Variants in RAD51B observed in about 807,000 individuals in gnomAD.
RAD51B encodes DNA repair protein RAD51 homolog 2.
Under a neutral mutation model 42.2 loss-of-function variants are expected in RAD51B, and 38 were observed. The ratio of observed to expected loss-of-function variants is 0.90; its 90% CI spans 0.70 to 1.18. The LOEUF (loss-of-function observed/expected upper bound fraction) is 1.18, where lower values mean the gene tolerates loss of function less well. Among genes scored for constraint, RAD51B ranks in the 50% most tolerant of loss-of-function variants. The pLI is 0.00. For synonymous variants in RAD51B, 154 were observed against 145.2 expected, an observed-to-expected ratio of 1.06 and a Z score of -0.43; for missense variants, 373 against 400.7, an observed-to-expected ratio of 0.93 and a Z score of 0.59.
chr14:68,178,410 T>C (rs1408564314), intron 7 of RAD51B, among the ~76,000 whole-genome samples: 2 of 152,202 alleles, frequency 1.3e-5, no homozygotes, highest in Non-Finnish European at 2.9e-5. Flanking sequence ...CCCATGTCTC[T>C]ACTCTTCAGT....
intron 8 of RAD51B, among the ~76,000 whole-genome samples, chr14:68,405,305 A>G (rs779497382): frequency 1.3e-5 from 2 of 152,278 alleles, no homozygotes; most frequent in East Asian, 1.9e-4. Flanking sequence ...TTAGCCAATC[A>G]TTGTGGCATG....
intron 7 of RAD51B, among the ~76,000 whole-genome samples, chr14:68,238,702 A>T (rs1456660366): frequency 6.6e-6 from 1 of 152,194 alleles, no homozygotes; most frequent in Non-Finnish European, 1.5e-5. Flanking sequence ...TTAAAACCAG[A>T]CCATATAATG....
At chr14:68,153,327 G>A (rs893343793) in intron 7 of RAD51B, among the ~76,000 whole-genome samples, 4 of 152,150 alleles carry the variant, frequency 2.6e-5, no homozygotes, top group Non-Finnish European at 5.9e-5. Flanking sequence ...GAATTATCCA[G>A]TGGTTATCCT....
intron 7 of RAD51B, among the ~76,000 whole-genome samples, chr14:68,221,893 T>C (rs190217178): frequency 3.4e-4 from 51 of 152,208 alleles, no homozygotes; most frequent in Admixed American, 2.9e-3. Flanking sequence ...GAATAGACAA[T>C]TCTGAAAAGA....
At chr14:68,567,359 T>C (rs1270470916) in intron 10 of RAD51B, among the ~76,000 whole-genome samples, 2 of 152,050 alleles carry the variant, frequency 1.3e-5, no homozygotes, top group African/African-American at 4.8e-5. Flanking sequence ...CATAGCAAAA[T>C]ACAGCAGAAA....
chr14:67,964,510 C>T (rs1279944989), intron 7 of RAD51B, among the ~76,000 whole-genome samples: 1 of 151,996 alleles, frequency 6.6e-6, no homozygotes, highest in Non-Finnish European at 1.5e-5. Context: ...AACATGCCTA[C>T]AGGGCACACC....
intron 11 of RAD51B, among the ~76,000 whole-genome samples, chr14:68,668,582 G>A (rs773693421): frequency 8.5e-5 from 13 of 152,208 alleles, no homozygotes; most frequent in Non-Finnish European, 4.4e-5. Context: ...CACATTTCAG[G>A]TGGCATAACC....
At chr14:68,455,366 A>C (rs983607045) in intron 9 of RAD51B, among the ~76,000 whole-genome samples, 2 of 152,206 alleles carry the variant, frequency 1.3e-5, no homozygotes, top group Non-Finnish European at 2.9e-5. Context: ...AATACTACAA[A>C]GAATTCTTCA....
At chr14:68,535,815 C>T (rs921245100) in intron 10 of RAD51B, among the ~76,000 whole-genome samples, 13 of 152,310 alleles carry the variant, frequency 8.5e-5, no homozygotes, top group South Asian at 8.3e-4. Flanking sequence ...CAGTGAGATA[C>T]ATGCTCACTA....
chr14:67,995,389 C>A (rs1241663202), intron 7 of RAD51B, among the ~76,000 whole-genome samples: 1 of 132,494 alleles, frequency 7.5e-6, no homozygotes, highest in East Asian at 2.4e-4. Flanking sequence ...ATCTCAAAAA[C>A]AACAACAACA....
intron 7 of RAD51B, among the ~76,000 whole-genome samples, chr14:68,091,016 A>C (rs2077088059): frequency 6.6e-6 from 1 of 151,648 alleles, no homozygotes. Context: ...CCATGTCCCT[A>C]CAAAGGACAT....
At chr14:67,868,254 G>A (rs1473443351) in intron 5 of RAD51B, among the ~76,000 whole-genome samples, 2 of 152,138 alleles carry the variant, frequency 1.3e-5, no homozygotes, top group African/African-American at 2.4e-5. Context: ...GAAGCAGGGC[G>A]AGGCATTGCC....
intron 8 of RAD51B, among the ~76,000 whole-genome samples, chr14:68,348,950 GC>G (rs2082729182): frequency 6.6e-6 from 1 of 152,116 alleles, no homozygotes. Context: ...AATATTTTAG[GC>G]CTTTATTTAT....
chr14:68,493,808 A>C (rs1023719380), intron 10 of RAD51B, among the ~76,000 whole-genome samples: 41 of 152,368 alleles, frequency 2.7e-4, no homozygotes, highest in African/African-American at 9.4e-4. Flanking sequence ...TTGCCTCTAA[A>C]GGCAATTGAT....
At chr14:68,612,598 A>G (rs1891719210), downstream of RAD51B, among the ~76,000 whole-genome samples, 1 of 152,164 alleles carries the variant, frequency 6.6e-6, no homozygotes, top group Admixed American at 6.5e-5. Context: ...AGTGGTGATT[A>G]CCAGAGGTTG....
intron 9 of RAD51B, among the ~76,000 whole-genome samples, chr14:68,437,747 C>CA (rs1469123234): frequency 6.6e-6 from 1 of 152,020 alleles, no homozygotes; most frequent in Non-Finnish European, 1.5e-5. Context: ...AGCATACAGG[C>CA]AAATAAATAT....
intron 9 of RAD51B, among the ~76,000 whole-genome samples, chr14:68,445,465 G>A (rs1310162199): frequency 6.6e-6 from 1 of 152,166 alleles, no homozygotes; most frequent in Admixed American, 6.5e-5. Context: ...TAATAAAAAT[G>A]CATTTATTAT....
At chr14:68,412,203 T>C (rs964065411) in intron 9 of RAD51B, among the ~76,000 whole-genome samples, 4 of 152,238 alleles carry the variant, frequency 2.6e-5, no homozygotes, top group Non-Finnish European at 4.4e-5. Flanking sequence ...TTGGTAAAGC[T>C]TTGGTAAAAT....
At chr14:68,176,539 A>T (rs552139169) in intron 7 of RAD51B, among the ~76,000 whole-genome samples, 3 of 152,160 alleles carry the variant, frequency 2.0e-5, no homozygotes, top group Non-Finnish European at 4.4e-5. Context: ...TGATTTCTCT[A>T]TGAGGAAATG....
Sources: allele counts gnomAD v4.1 joint callset (sites outside exome capture counted in the v4.1 genomes callset), GRCh38; gene constraint gnomAD v4.1.1; transcripts MANE v1.5; gene names NCBI Gene and HGNC (gene_info 2026-07-23, HGNC 2026-07-21).